The following ARHGAP26 variants were observed in gnomAD, a reference collection of about 807,000 sequenced individuals.
The protein encoded by ARHGAP26 is Rho GTPase activating protein 26.
Under a neutral mutation model 104.8 loss-of-function variants are expected in ARHGAP26, and 38 were observed. The observed-to-expected ratio is 0.36, with a 90% CI of 0.28 to 0.48. The LOEUF (loss-of-function observed/expected upper bound fraction) is 0.48, where lower values mean the gene tolerates loss of function less well. ARHGAP26 is among the 20% of genes least tolerant of loss of function. The pLI is 0.99. For synonymous variants in ARHGAP26, 341 were observed against 340.0 expected, an observed-to-expected ratio of 1.00 and a Z score of -0.03; for missense variants, 704 against 947.9, an observed-to-expected ratio of 0.74 and a Z score of 3.38.
At chr5:143,079,632 A>G (rs1028678361) in intron 17 of ARHGAP26, among the ~76,000 whole-genome samples, 1 of 152,160 alleles carries the variant, frequency 6.6e-6, no homozygotes, top group Non-Finnish European at 1.5e-5. Flanking sequence ...GTTTTTAAAT[A>G]TATTTACCTT....
chr5:142,885,656 C>T (rs560058987), intron 5 of ARHGAP26, among the ~76,000 whole-genome samples: 34 of 152,288 alleles, frequency 2.2e-4, no homozygotes, highest in African/African-American at 7.2e-4. Context: ...CCTTGTTGGG[C>T]TGCCCTGATT....
At chr5:142,797,943 C>G (rs540735637) in intron 1 of ARHGAP26, among the ~76,000 whole-genome samples, 1 of 152,292 alleles carries the variant, frequency 6.6e-6, no homozygotes, top group African/African-American at 2.4e-5. Flanking sequence ...TGCTGAGTTG[C>G]CTGTGCTAGA....
chr5:142,993,343 G>A (rs1461423934), intron 11 of ARHGAP26, among the ~76,000 whole-genome samples: 1 of 151,842 alleles, frequency 6.6e-6, no homozygotes, highest in East Asian at 1.9e-4. Context: ...CTAATTTTTT[G>A]TATTTTTAGT....
At chr5:143,083,815 A>T (rs1790164203) in intron 17 of ARHGAP26, among the ~76,000 whole-genome samples, 1 of 151,762 alleles carries the variant, frequency 6.6e-6, no homozygotes, top group African/African-American at 2.4e-5. Context: ...TTATTTCTTA[A>T]CTCCGATTCA....
At chr5:142,963,205 T>TGTGTGTGTGTGTGC (rs1770697538) in intron 11 of ARHGAP26, among the ~76,000 whole-genome samples, 1 of 107,476 alleles carries the variant, frequency 9.3e-6, no homozygotes, top group South Asian at 4.0e-4. Context: ...TATATGTGTG[T>TGTGTGTGTGTGTGC]GTGTGTGTGT....
chr5:143,005,522 G>A (rs1777821133), intron 11 of ARHGAP26, among the ~76,000 whole-genome samples: 2 of 152,220 alleles, frequency 1.3e-5, no homozygotes, highest in Non-Finnish European at 2.9e-5. Flanking sequence ...AACTTGCCTT[G>A]GCAGGGAGGT....
rs535973007 is a variant in ARHGAP26 at position 142,774,600 on chromosome 5, A to G, written c.154+3685A>G. The stretch of plus-strand genomic sequence containing the variant: ...AATATAACATTATTAACTAAAGTCC[A>G]TAATTTACATTAGGGCTCACTCTTT... On this transcript the variant is annotated intron_variant, in intron 1 of 22. Transcript: ENST00000645722. 5.3e-5 allele frequency among the ~76,000 whole-genome samples: 8 copies of G among 152,326 alleles called. No individual in the cohort carries two copies. The South Asian group carries it at 8.3e-4, about 16-fold the overall frequency.
intron 20 of ARHGAP26, among the ~76,000 whole-genome samples, chr5:143,163,132 GAC>G (rs1491115290): frequency 1.1e-4 from 17 of 152,164 alleles, no homozygotes; most frequent in Middle Eastern, 3.4e-3. Flanking sequence ...AAAAGAAAAA[GAC>G]ACTATTCGAG....
At chr5:143,086,344 A>G (rs1302526273) in intron 17 of ARHGAP26, among the ~76,000 whole-genome samples, 3 of 150,338 alleles carry the variant, frequency 2.0e-5, no homozygotes, top group Non-Finnish European at 4.4e-5. Context: ...TTGGGCCTCC[A>G]TCTTTATTTT....
At chr5:142,851,736 C>T (rs185611519) in intron 1 of ARHGAP26, among the ~76,000 whole-genome samples, 16 of 152,340 alleles carry the variant, frequency 1.1e-4, no homozygotes, top group Admixed American at 2.6e-4. Flanking sequence ...CTCCCACGTG[C>T]TGGCCTTTAG....
intron 12 of ARHGAP26, among the ~76,000 whole-genome samples, chr5:143,020,891 C>T (rs903100408): frequency 7.2e-5 from 11 of 151,954 alleles, no homozygotes; most frequent in South Asian, 2.1e-4. Flanking sequence ...CCGCCCATCT[C>T]GGCCTCCCAA....
intron 1 of ARHGAP26, among the ~76,000 whole-genome samples, chr5:142,867,323 G>A (rs1754484822): frequency 6.8e-6 from 1 of 146,314 alleles, no homozygotes; most frequent in Non-Finnish European, 1.5e-5. Context: ...GTGTGTGTGT[G>A]TGTGTTTTGT....
chr5:143,162,389 A>G (rs940115389), intron 20 of ARHGAP26, among the ~76,000 whole-genome samples: 2 of 152,056 alleles, frequency 1.3e-5, no homozygotes, highest in African/African-American at 2.4e-5. Context: ...TAGTCATCCC[A>G]TGACAGCACT....
chr5:143,215,758 A>T (rs543969916), intron 22 of ARHGAP26, among the ~76,000 whole-genome samples: 1 of 152,234 alleles, frequency 6.6e-6, no homozygotes, highest in Non-Finnish European at 1.5e-5. Flanking sequence ...TTTAGTTTGC[A>T]TAATGTTTTC....
intron 20 of ARHGAP26, among the ~76,000 whole-genome samples, chr5:143,172,322 G>T (rs576172990): frequency 6.6e-6 from 1 of 152,156 alleles, no homozygotes; most frequent in South Asian, 2.1e-4. Flanking sequence ...TACATGTACA[G>T]TTGAGTAAAA....
intron 1 of ARHGAP26, among the ~76,000 whole-genome samples, chr5:142,821,884 T>G (rs1766268367): frequency 6.6e-6 from 1 of 152,206 alleles, no homozygotes. Context: ...GCTTATAAAT[T>G]GAGTCAGATC....
intron 11 of ARHGAP26, among the ~76,000 whole-genome samples, chr5:142,953,890 T>G (rs148593422): frequency 6.6e-6 from 1 of 152,302 alleles, no homozygotes; most frequent in African/African-American, 2.4e-5. Flanking sequence ...CCACAGAACC[T>G]TGGTTGACAT....
intron 6 of ARHGAP26, among the ~76,000 whole-genome samples, chr5:142,895,893 C>T (rs999520004): frequency 4.6e-5 from 7 of 152,208 alleles, no homozygotes; most frequent in African/African-American, 1.7e-4. Flanking sequence ...TATGCTAGAA[C>T]TATAATTTCT....
At chr5:142,803,443 G>T (rs1762422739) in intron 1 of ARHGAP26, among the ~76,000 whole-genome samples, 1 of 152,140 alleles carries the variant, frequency 6.6e-6, no homozygotes, top group African/African-American at 2.4e-5. Flanking sequence ...GATTTTATTT[G>T]CATCTGCCCC....
Sources: gnomAD v4.1 joint callset for allele counts (sites outside exome capture counted in the v4.1 genomes callset) on GRCh38, gnomAD v4.1.1 for gene constraint, MANE v1.5 for transcripts, NCBI Gene and HGNC (gene_info 2026-07-23, HGNC 2026-07-21) for gene names.